The following TLN2 variants were observed in gnomAD, a reference collection of about 807,000 sequenced individuals.
TLN2 encodes talin 2, also known as talin-2.
In TLN2, 118 loss-of-function variants were observed where a neutral mutation model predicts 294.7. The ratio of observed to expected loss-of-function variants is 0.40; its 90% confidence interval spans 0.34 to 0.47. The LOEUF is 0.47. Ranked by LOEUF, TLN2 falls within the 20% of genes least tolerant of loss-of-function variation. The pLI is 0.84. For synonymous variants in TLN2, 1,431 were observed against 1,304.5 expected (o/e 1.10, Z -2.09); for missense variants, 3,083 against 3,282.2 (o/e 0.94, Z 1.48).
chr15:62,796,573 T>C (rs1339090491), intron 47 of TLN2, among the ~76,000 whole-genome samples: 1 of 152,072 alleles, frequency 6.6e-6, no homozygotes, highest in Non-Finnish European at 1.5e-5. Flanking sequence ...CAGAGAGCCG[T>C]TCCTCAAACT....
intron 1 of TLN2, among the ~76,000 whole-genome samples, chr15:62,564,026 T>C (rs2043186446): frequency 6.6e-6 from 1 of 152,204 alleles, no homozygotes; most frequent in Non-Finnish European, 1.5e-5. Flanking sequence ...CAGTAAGTTA[T>C]TTGATAAGGG....
chr15:62,590,979 ATT>A (rs66464929), intron 2 of TLN2, among the ~76,000 whole-genome samples: 3 of 143,434 alleles, frequency 2.1e-5, no homozygotes, highest in Admixed American at 7.0e-5. Flanking sequence ...ACCTATTTCT[ATT>A]TTTTTTTTTT....
intron 1 of TLN2, among the ~76,000 whole-genome samples, chr15:62,412,740 C>T (rs2033845495): frequency 6.6e-6 from 1 of 151,978 alleles, no homozygotes; most frequent in African/African-American, 2.4e-5. Flanking sequence ...TCTAATGCTC[C>T]CCTAGACTCT....
At chr15:62,683,537 C>G (rs1313551465) in intron 11 of TLN2, among the ~76,000 whole-genome samples, 1 of 146,842 alleles carries the variant, frequency 6.8e-6, no homozygotes, top group African/African-American at 2.5e-5. Context: ...TCTCCCGCCT[C>G]TCATTGGTAG....
chr15:62,538,844 A>T (rs1181482215), intron 1 of TLN2, among the ~76,000 whole-genome samples: 1 of 152,174 alleles, frequency 6.6e-6, no homozygotes, highest in East Asian at 1.9e-4. Context: ...GGAATGCTTT[A>T]AAAAAATGTA....
intron 1 of TLN2, among the ~76,000 whole-genome samples, chr15:62,422,179 A>G (rs11633582): frequency 0.49 from 70,179 of 142,496 alleles, 17,606 homozygotes; most frequent in Middle Eastern, 0.67. Context: ...AGAATCAGCC[A>G]TTGCACTCCA....
At chr15:62,825,789 T>TATTATATATATATTATATTA (rs1491491748) in intron 54 of TLN2, among the ~76,000 whole-genome samples, 25 of 83,594 alleles carry the variant, frequency 3.0e-4, no homozygotes, top group African/African-American at 1.7e-3. Flanking sequence ...ATATTATATA[T>TATTATATATATATTATATTA]TATAATATAT....
intron 2 of TLN2, among the ~76,000 whole-genome samples, chr15:62,595,681 A>C (rs967658731): frequency 6.6e-6 from 1 of 152,214 alleles, no homozygotes; most frequent in Non-Finnish European, 1.5e-5. Context: ...CATTGGATGA[A>C]TAGATAAAGA....
chr15:62,532,385 C>CCGTACCTGGCCAGTATGTTTTAAAGTTAT (rs2041094598), intron 1 of TLN2, among the ~76,000 whole-genome samples: 1 of 152,150 alleles, frequency 6.6e-6, no homozygotes, highest in Admixed American at 6.6e-5. Context: ...GTGTGAGCCA[C>CCGTACCTGGCCAGTATGTTTTAAAGTTAT]TGCATCCAGC....
At chr15:62,747,487 T>G (rs1463765272) in intron 32 of TLN2, among the ~76,000 whole-genome samples, 2 of 152,200 alleles carry the variant, frequency 1.3e-5, no homozygotes, top group Non-Finnish European at 2.9e-5. Flanking sequence ...TTTATATCCA[T>G]GTATTTAAAA....
At chr15:62,680,409 T>C (rs1264111620) in intron 11 of TLN2, among the ~76,000 whole-genome samples, 1 of 152,152 alleles carries the variant, frequency 6.6e-6, no homozygotes, top group Non-Finnish European at 1.5e-5. Context: ...ATTTTCAGGT[T>C]TATTGTTAAA....
intron 12 of TLN2, among the ~76,000 whole-genome samples, chr15:62,688,428 C>G (rs1217447364): frequency 6.6e-6 from 1 of 152,104 alleles, no homozygotes; most frequent in Non-Finnish European, 1.5e-5. Flanking sequence ...CCCAGGATAT[C>G]CTTTTTGGTG....
chr15:62,551,544 A>G (rs1361940295), intron 1 of TLN2, among the ~76,000 whole-genome samples: 1 of 151,506 alleles, frequency 6.6e-6, no homozygotes, highest in Non-Finnish European at 1.5e-5. Context: ...ACACACACAC[A>G]CACAAATAGC....
chr15:62,718,647 G>A (rs548213407), intron 24 of TLN2, among the ~76,000 whole-genome samples: 1 of 152,260 alleles, frequency 6.6e-6, no homozygotes, highest in African/African-American at 2.4e-5. Context: ...GGTGTCCTTC[G>A]GTCCTGTGTG....
chr15:62,692,498 A>G (rs974237186), intron 12 of TLN2, among the ~76,000 whole-genome samples: 11 of 152,170 alleles, frequency 7.2e-5, no homozygotes, highest in African/African-American at 2.4e-4. Context: ...TTCTTTGACT[A>G]AAAGCATGCT....
At chr15:62,825,727 A>ATATAT (rs1567685966) in intron 54 of TLN2, among the ~76,000 whole-genome samples, 1 of 112,190 alleles carries the variant, frequency 8.9e-6, no homozygotes, top group Non-Finnish European at 1.6e-5. Flanking sequence ...AATATATATA[A>ATATAT]AAATATATTT....
At chr15:62,523,074 T>C (rs935501795) in intron 1 of TLN2, among the ~76,000 whole-genome samples, 6 of 152,160 alleles carry the variant, frequency 3.9e-5, no homozygotes, top group Admixed American at 1.3e-4. Context: ...ATCTATAGTT[T>C]AGATACAACT....
chr15:62,581,176 G>A (rs752466124), intron 1 of TLN2, among the ~76,000 whole-genome samples: 4 of 152,072 alleles, frequency 2.6e-5, no homozygotes, highest in East Asian at 3.9e-4. Context: ...CACCGCGCCC[G>A]GCCCAACCAG....
At chr15:62,613,019 T>C (rs1249793746) in intron 2 of TLN2, among the ~76,000 whole-genome samples, 1 of 152,154 alleles carries the variant, frequency 6.6e-6, no homozygotes, top group East Asian at 1.9e-4. Context: ...ACAGGAGTAG[T>C]TAAGAGCTAG....
Sources: gnomAD v4.1 joint callset for allele counts (sites outside exome capture counted in the v4.1 genomes callset) on GRCh38, gnomAD v4.1.1 for gene constraint, MANE v1.5 for transcripts, NCBI Gene and HGNC (gene_info 2026-07-23, HGNC 2026-07-21) for gene names.